Variants in RECK observed in about 807,000 individuals in gnomAD.
The protein encoded by RECK is reversion inducing cysteine rich protein with kazal motifs, also known as reversion-inducing cysteine-rich protein with Kazal motifs.
RECK carries 69 observed loss-of-function variants against 115.1 expected under a neutral mutation model. The observed-to-expected ratio is 0.60, with a 90% confidence interval of 0.49 to 0.73. RECK has a LOEUF of 0.73. RECK is among the 30% of genes least tolerant of loss of function. The pLI is 0.00. For missense variants in RECK, 1,047 were observed against 1,203.7 expected (o/e 0.87, Z 1.93); for synonymous variants, 414 against 419.7 (o/e 0.99, Z 0.17).
intron 6 of RECK, among the ~76,000 whole-genome samples, chr9:36,079,633 C>T (rs1423343330): frequency 6.6e-6 from 1 of 152,184 alleles, no homozygotes; most frequent in African/African-American, 2.4e-5. Context: ...AACAAATCCC[C>T]ATCACCTAGC....
intron 6 of RECK, among the ~76,000 whole-genome samples, chr9:36,078,779 T>A (rs571757054): frequency 2.6e-5 from 4 of 152,312 alleles, no homozygotes; most frequent in Middle Eastern, 3.4e-3. Flanking sequence ...AAAGATCTTA[T>A]TAGAAGGAAA....
At chr9:36,077,749 A>C (rs1321497869) in intron 6 of RECK, among the ~76,000 whole-genome samples, 1 of 152,220 alleles carries the variant, frequency 6.6e-6, no homozygotes, top group Non-Finnish European at 1.5e-5. Flanking sequence ...AACATCTCTG[A>C]ACTCTGGATG....
chr9:36,088,053 G>A (rs1422237104), intron 9 of RECK, 92 bp downstream of exon 9: 9 of 897,522 alleles, frequency 1.0e-5, no homozygotes, highest in African/African-American at 5.1e-5. Context: ...ATATTCTTAC[G>A]TGGTATAGGT....
intron 9 of RECK, among the ~76,000 whole-genome samples, chr9:36,088,835 T>C (rs992099227): frequency 2.0e-5 from 3 of 152,200 alleles, no homozygotes; most frequent in African/African-American, 7.2e-5. Flanking sequence ...CTGGCCAATA[T>C]GGTGAAACCC....
At chr9:36,113,217 A>C (rs1006945450) in intron 16 of RECK, among the ~76,000 whole-genome samples, 1 of 152,192 alleles carries the variant, frequency 6.6e-6, no homozygotes, top group African/African-American at 2.4e-5. Flanking sequence ...CTGGAAGCAG[A>C]GTGTTTATTG....
chr9:36,041,643 G>GA (rs1820869929), intron 1 of RECK, among the ~76,000 whole-genome samples: 2 of 152,170 alleles, frequency 1.3e-5, no homozygotes, highest in African/African-American at 4.8e-5. Flanking sequence ...ACAGGAACTA[G>GA]AAAGTTGACA....
At chr9:36,115,109 G>T (rs576580352) in intron 16 of RECK, among the ~76,000 whole-genome samples, 1 of 152,178 alleles carries the variant, frequency 6.6e-6, no homozygotes, top group South Asian at 2.1e-4. Flanking sequence ...GAGGCCAGAA[G>T]TTCAAGACCA....
chr9:36,118,466 G>C (rs550958814), intron 17 of RECK, among the ~76,000 whole-genome samples: 2 of 152,292 alleles, frequency 1.3e-5, no homozygotes, highest in South Asian at 4.1e-4. Flanking sequence ...AGAGCAGAGA[G>C]AGGTAGCAGG....
At chr9:36,074,035 C>T (rs951463387) in intron 6 of RECK, among the ~76,000 whole-genome samples, 9 of 152,018 alleles carry the variant, frequency 5.9e-5, no homozygotes, top group Admixed American at 1.3e-4. Context: ...ACAACCACCC[C>T]CCACAAAAAA....
At position 36,120,228 on chromosome 9, in the gene RECK, C is replaced by A. The variant is rs1407757012; in HGVS notation, c.2465-435C>A. Among the ~76,000 whole-genome samples, 3 of 146,536 alleles carry A rather than the reference C, an allele frequency of 2.0e-5. No homozygotes were observed. The East Asian group carries it at 6.0e-4, about 29-fold the overall frequency. On this transcript the variant is annotated intron_variant, in intron 18 of 20. Transcript: ENST00000377966. ...CTAGCCTGGGCAACAGAGCGAGACTCTGTCTCAAAAAAAAAAAAAATTAAA... is the reference window on the plus strand; with the variant it reads ...CTAGCCTGGGCAACAGAGCGAGACTATGTCTCAAAAAAAAAAAAAATTAAA...
In RECK at chr9:36,060,105, G is replaced by T. The variant is rs770101522; in HGVS notation, c.235-14G>T. On this transcript the variant is annotated splice_polypyrimidine_tract_variant and intron_variant, in intron 3 of 20. Coordinates refer to ENST00000377966, the MANE Select transcript of RECK (RefSeq NM_021111.3). ...GTTATCTACATAAAAGCCTTTTGTT[G>T]GGTACACTTTTAGGTTGAAATTTGG... 1 of 1,612,398 alleles carries T rather than the reference G, an allele frequency of 6.2e-7. No homozygotes were observed. The highest frequency in any genetic ancestry group is 8.5e-7 in the Non-Finnish European group (1 of 1,178,962).
chr9:36,065,068 A>G (rs1048372368), intron 5 of RECK, among the ~76,000 whole-genome samples: 1 of 152,116 alleles, frequency 6.6e-6, no homozygotes, highest in Non-Finnish European at 1.5e-5. Flanking sequence ...AACTTGTTAA[A>G]TGCCTGGCAT....
At position 36,100,254 on chromosome 9, in the gene RECK, T is replaced by G. The variant is rs1428914191; in HGVS notation, c.1086-77T>G. The G allele has an allele frequency of 4.3e-6, 5 of 1,172,902 alleles. No homozygotes were observed. The East Asian group carries it at 1.2e-4, about 29-fold the overall frequency. 72.7% of individuals were successfully genotyped at this position (1,172,902 alleles called of 1,614,324 possible). Reference sequence around the variant, plus strand: ...AAACCAGATTTTTCTGATGCATTAGTATGTCAGGATTTTACTTGTTGCTTC... The same window carrying G: ...AAACCAGATTTTTCTGATGCATTAGGATGTCAGGATTTTACTTGTTGCTTC... On this transcript the variant is annotated intron_variant, in intron 10 of 20. Transcript: ENST00000377966.
At chr9:36,092,027 G>A (rs1998622) in intron 10 of RECK, among the ~76,000 whole-genome samples, 8,930 of 152,240 alleles carry the variant, frequency 0.059, 410 homozygotes, top group South Asian at 0.18. Context: ...GGGCCAGAAG[G>A]AAGTTCTAGA....
At chr9:36,075,407 T>C (rs997742122) in intron 6 of RECK, among the ~76,000 whole-genome samples, 1 of 152,200 alleles carries the variant, frequency 6.6e-6, no homozygotes, top group African/African-American at 2.4e-5. Flanking sequence ...TAAAGCTCAT[T>C]TCTGTTTTGA....
At chr9:36,061,899 T>A (rs1203523891) in intron 4 of RECK, among the ~76,000 whole-genome samples, 2 of 152,312 alleles carry the variant, frequency 1.3e-5, no homozygotes, top group Non-Finnish European at 2.9e-5. Flanking sequence ...ATTTGCCTTG[T>A]TTTACTTTTT....
intron 20 of RECK, 44 bp from the exon 21 acceptor site, chr9:36,122,780 C>T (rs762160410): frequency 8.5e-6 from 13 of 1,523,246 alleles, no homozygotes; most frequent in Admixed American, 5.2e-5. Context: ...ATGTTGAAAA[C>T]GTTCTGTGGT....
At chr9:36,039,234 T>G (rs145193076) in intron 1 of RECK, among the ~76,000 whole-genome samples, 50 of 152,332 alleles carry the variant, frequency 3.3e-4, no homozygotes, top group African/African-American at 1.1e-3. Context: ...AGGAAGCATG[T>G]ATTGCCTGGT....
intron 1 of RECK, among the ~76,000 whole-genome samples, chr9:36,051,164 G>T (rs934458422): frequency 9.2e-5 from 14 of 152,150 alleles, no homozygotes; most frequent in African/African-American, 3.4e-4. Flanking sequence ...CTTGGAAGAA[G>T]AAGTATTCCC....
Sources: allele counts gnomAD v4.1 joint callset (sites outside exome capture counted in the v4.1 genomes callset), GRCh38; gene constraint gnomAD v4.1.1; transcripts MANE v1.5; gene names NCBI Gene and HGNC (gene_info 2026-07-23, HGNC 2026-07-21).